Variants in KCNC2 observed in about 807,000 individuals in gnomAD.
KCNC2 encodes the protein potassium voltage-gated channel subfamily C member 2.
KCNC2 carries 21 observed loss-of-function variants against 44.5 expected under a neutral mutation model. That is an observed-to-expected ratio of 0.47 (90% CI 0.33 to 0.68). The LOEUF (loss-of-function observed/expected upper bound fraction) is 0.68. Ranked by LOEUF, KCNC2 falls within the 30% of genes least tolerant of loss-of-function variation. KCNC2 has a pLI of 0.01. For synonymous variants in KCNC2, 391 were observed against 339.1 expected (o/e 1.15, Z -1.68); for missense variants, 589 against 826.2 (o/e 0.71, Z 3.52).
intron 2 of KCNC2, among the ~76,000 whole-genome samples, chr12:75,132,525 A>G (rs1888927076): frequency 1.3e-5 from 2 of 152,146 alleles, no homozygotes; most frequent in Admixed American, 6.6e-5. Context: ...ACAAAACAAA[A>G]TTCATGAATA....
intron 2 of KCNC2, among the ~76,000 whole-genome samples, chr12:75,150,880 G>A (rs758627145): frequency 4.6e-5 from 7 of 151,832 alleles, no homozygotes; most frequent in South Asian, 2.1e-4. Flanking sequence ...TATGTAAAAC[G>A]TAACCTTCAA....
chr12:75,110,214 G>GA lies in KCNC2; in HGVS notation c.688-58898dup, dbSNP rs893702126. Among the ~76,000 whole-genome samples the GA allele has an allele frequency of 1.8e-4, 27 of 151,670 alleles. 1 individual carries two copies. The highest frequency in any genetic ancestry group is 3.9e-4 in the East Asian group (2 of 5,158). On this transcript the variant is annotated intron_variant, in intron 2 of 4. Coordinates refer to ENST00000549446, the MANE Select transcript of KCNC2 (RefSeq NM_139137.4). ...CCATGTCCCAGAAAGGATTAAGGGG[G>GA]AAAAAAAACCAACATATTTTATATG...
At chr12:75,128,992 C>A (rs1191692688) in intron 2 of KCNC2, among the ~76,000 whole-genome samples, 1 of 152,184 alleles carries the variant, frequency 6.6e-6, no homozygotes, top group East Asian at 1.9e-4. Flanking sequence ...AGCCAAGATA[C>A]TTTCATGTTG....
At chr12:75,046,100 T>C (rs1318919512) in intron 4 of KCNC2, among the ~76,000 whole-genome samples, 2 of 151,736 alleles carry the variant, frequency 1.3e-5, no homozygotes, top group Non-Finnish European at 3.0e-5. Context: ...AGTACTATCA[T>C]GCTTAGTAGG....
At chr12:75,064,713 A>G (rs1450548681) in intron 2 of KCNC2, among the ~76,000 whole-genome samples, 1 of 152,076 alleles carries the variant, frequency 6.6e-6, no homozygotes. Context: ...TTGAAATGAC[A>G]GTAGTCATTA....
intron 2 of KCNC2, among the ~76,000 whole-genome samples, chr12:75,179,099 G>T (rs1182166965): frequency 6.6e-6 from 1 of 151,938 alleles, no homozygotes; most frequent in East Asian, 1.9e-4. Flanking sequence ...TAAATCTGAT[G>T]ATTCTAAAAA....
chr12:75,131,093 A>T (rs993366661), intron 2 of KCNC2, among the ~76,000 whole-genome samples: 6 of 152,166 alleles, frequency 3.9e-5, no homozygotes, highest in African/African-American at 1.4e-4. Flanking sequence ...AAACTAGATG[A>T]TCATAAATTT....
chr12:75,089,468 T>C (rs1885295495), intron 2 of KCNC2, among the ~76,000 whole-genome samples: 1 of 151,866 alleles, frequency 6.6e-6, no homozygotes, highest in Non-Finnish European at 1.5e-5. Context: ...TTGTCTACAG[T>C]GAAACCGGTT....
intron 2 of KCNC2, among the ~76,000 whole-genome samples, chr12:75,144,191 CT>C (rs1221994630): frequency 3.9e-5 from 6 of 152,140 alleles, no homozygotes; most frequent in African/African-American, 1.4e-4. Context: ...AATTAATTAT[CT>C]TTTTTAAAAA....
At chr12:75,073,167 T>C (rs914524608) in intron 2 of KCNC2, among the ~76,000 whole-genome samples, 9 of 152,186 alleles carry the variant, frequency 5.9e-5, no homozygotes, top group African/African-American at 1.9e-4. Context: ...TCTAAGTGTA[T>C]AATGTCTGTA....
chr12:75,092,136 TG>T (rs1359094428), intron 2 of KCNC2, among the ~76,000 whole-genome samples: 3 of 151,642 alleles, frequency 2.0e-5, no homozygotes, highest in African/African-American at 7.2e-5. Context: ...AAACCTCATC[TG>T]CATTTTATTT....
At chr12:75,168,051 G>T (rs926548290) in intron 2 of KCNC2, among the ~76,000 whole-genome samples, 13 of 151,232 alleles carry the variant, frequency 8.6e-5, no homozygotes, top group African/African-American at 3.1e-4. Flanking sequence ...ATTTGGAATT[G>T]CTATCTTTAA....
chr12:75,123,371 T>C (rs1211745266), intron 2 of KCNC2, among the ~76,000 whole-genome samples: 3 of 152,182 alleles, frequency 2.0e-5, no homozygotes, highest in South Asian at 4.1e-4. Context: ...ATACTTCTCT[T>C]CTAATTAAAT....
At chr12:75,069,364 G>A (rs1188265412) in intron 2 of KCNC2, among the ~76,000 whole-genome samples, 3 of 151,754 alleles carry the variant, frequency 2.0e-5, no homozygotes, top group Middle Eastern at 3.2e-3. Flanking sequence ...TCGAACTCCC[G>A]ACCTCAGGTG....
At chr12:75,132,727 T>A (rs1888942914) in intron 2 of KCNC2, among the ~76,000 whole-genome samples, 1 of 152,160 alleles carries the variant, frequency 6.6e-6, no homozygotes, top group Non-Finnish European at 1.5e-5. Context: ...AAGGGTTTTA[T>A]GGTGTATTTT....
At chr12:75,047,800 T>C (rs1236577082) in intron 4 of KCNC2, among the ~76,000 whole-genome samples, 1 of 152,116 alleles carries the variant, frequency 6.6e-6, no homozygotes, top group Non-Finnish European at 1.5e-5. Flanking sequence ...ATTAGTGAGT[T>C]TTATTTTTTG....
At chr12:75,199,282 G>T (rs185978481) in intron 2 of KCNC2, among the ~76,000 whole-genome samples, 12 of 151,912 alleles carry the variant, frequency 7.9e-5, no homozygotes, top group African/African-American at 2.6e-4. Flanking sequence ...CCAACCAGGG[G>T]CTTCAAACAA....
intron 2 of KCNC2, among the ~76,000 whole-genome samples, chr12:75,136,294 C>T (rs557290921): frequency 3.3e-5 from 5 of 151,640 alleles, no homozygotes. Flanking sequence ...AAAACGAGAA[C>T]AACCTAAACC....
At chr12:75,163,106 A>C (rs1384148299) in intron 2 of KCNC2, among the ~76,000 whole-genome samples, 1 of 151,894 alleles carries the variant, frequency 6.6e-6, no homozygotes, top group East Asian at 1.9e-4. Context: ...CTAAGTCCTA[A>C]GGCCAGTAAT....
Sources: allele counts gnomAD v4.1 joint callset (sites outside exome capture counted in the v4.1 genomes callset), GRCh38; gene constraint gnomAD v4.1.1; transcripts MANE v1.5; gene names NCBI Gene and HGNC (gene_info 2026-07-23, HGNC 2026-07-21).